STARD13: variants seen among roughly 807,000 people sequenced by gnomAD.
STARD13 encodes StAR related lipid transfer domain containing 13, also known as stAR-related lipid transfer protein 13.
A neutral mutation model predicts 106.4 loss-of-function variants in STARD13; 62 were observed. The observed-to-expected ratio is 0.58, with a 90% CI of 0.48 to 0.72. STARD13 has a LOEUF of 0.72. STARD13 is among the 30% of genes least tolerant of loss of function. STARD13 has a pLI of 0.00. For missense variants in STARD13, 1,387 were observed against 1,424.0 expected (o/e 0.97, Z 0.42); for synonymous variants, 565 against 553.0 (o/e 1.02, Z -0.31).
chr13:33,353,371 C>T (rs767578591), upstream of STARD13, among the ~76,000 whole-genome samples: 1 of 152,110 alleles, frequency 6.6e-6, no homozygotes, highest in Non-Finnish European at 1.5e-5. Context: ...TTGTCCTTTC[C>T]AGGGTGCATG....
intron 1 of STARD13, among the ~76,000 whole-genome samples, chr13:33,284,388 C>T (rs1324556496): frequency 6.6e-6 from 1 of 152,144 alleles, no homozygotes; most frequent in Non-Finnish European, 1.5e-5. Flanking sequence ...CTTTAATATT[C>T]AATATAATCT....
At position 33,262,993 on chromosome 13, in the gene STARD13, C is replaced by T. The variant is rs955430740; in HGVS notation, c.169+22477G>A. 3.3e-5 allele frequency among the ~76,000 whole-genome samples: 5 copies of T among 152,174 alleles called. No homozygotes were observed. In the East Asian group the frequency reaches 5.8e-4, roughly 18 times the overall value. On this transcript the variant is annotated intron_variant, in intron 1 of 13. Coordinates refer to ENST00000336934, the MANE Select transcript of STARD13 (RefSeq NM_178006.4). Reference sequence around the variant, plus strand: ...ACCATAGGAAATAAAGACATGAGACCGAAGATCTCAAGATGAGAGTCTACA... The same window carrying T: ...ACCATAGGAAATAAAGACATGAGACTGAAGATCTCAAGATGAGAGTCTACA...
chr13:33,270,559 T>A (rs1891107853), intron 1 of STARD13, among the ~76,000 whole-genome samples: 1 of 152,112 alleles, frequency 6.6e-6, no homozygotes, highest in South Asian at 2.1e-4. Context: ...TTTCATAGAT[T>A]CAAAAACTGA....
chr13:33,503,329 C>T, the STARD13 span, among the ~76,000 whole-genome samples: 2 of 152,116 alleles, frequency 1.3e-5, no homozygotes, highest in Admixed American at 6.5e-5. Flanking sequence ...TTTCAAAAAA[C>T]CAGCTCCTGG....
chr13:33,611,933 AT>A, the STARD13 span, among the ~76,000 whole-genome samples: 1 of 152,148 alleles, frequency 6.6e-6, no homozygotes, highest in Non-Finnish European at 1.5e-5. Flanking sequence ...GAAAGTTTAT[AT>A]TTTTTGCTGA....
chr13:33,269,049 A>G (rs1423378866), intron 1 of STARD13, among the ~76,000 whole-genome samples: 3 of 152,250 alleles, frequency 2.0e-5, no homozygotes, highest in East Asian at 3.9e-4. Context: ...TCTGCCACAT[A>G]AGCGCTTTCT....
chr13:33,254,051 C>G (rs760047799), intron 1 of STARD13, among the ~76,000 whole-genome samples: 1 of 152,220 alleles, frequency 6.6e-6, no homozygotes, highest in Non-Finnish European at 1.5e-5. Flanking sequence ...GATCAGCCAT[C>G]CCGCTTTGCC....
chr13:33,296,237 A>T (rs2138447185), intron 1 of STARD13, among the ~76,000 whole-genome samples: 1 of 152,086 alleles, frequency 6.6e-6, no homozygotes, highest in South Asian at 2.1e-4. Context: ...TCAAAAAAAA[A>T]AAAAATCACC....
At chr13:33,442,026 G>T in the STARD13 span, among the ~76,000 whole-genome samples, 1 of 152,188 alleles carries the variant, frequency 6.6e-6, no homozygotes, top group Non-Finnish European at 1.5e-5. Context: ...TTCTGACTTG[G>T]TCTGGAAGCA....
intron 3 of STARD13, among the ~76,000 whole-genome samples, chr13:33,150,553 G>A (rs1481710034): frequency 1.3e-5 from 2 of 152,208 alleles, no homozygotes; most frequent in Non-Finnish European, 2.9e-5. Context: ...CCTGGGAAAT[G>A]AGAGCTTATG....
Position 33,129,034 on chromosome 13 carries a change from G to C in STARD13, c.1643C>G (p.Pro548Arg). ...TGTTACATCTCTTTCCACATCACTGGGTGTCGTCCGACCTTCTGAGACAGA... is the reference window on the plus strand; with the variant it reads ...TGTTACATCTCTTTCCACATCACTGCGTGTCGTCCGACCTTCTGAGACAGA... ...GNSVSEGRTT[P>R]SDVERDVTSL... The change falls in exon 5 of 14, where the codon CCC becomes CGC. Residue 548 changes from proline (P) to arginine (R), a missense_variant. Physicochemically the swap from Pro to Arg is moderately radical, Grantham distance 103. Coordinates refer to ENST00000336934, the MANE Select transcript of STARD13 (RefSeq NM_178006.4). The C allele has an allele frequency of 6.2e-7, 1 of 1,614,034 alleles. No homozygotes were observed. Among genetic ancestry groups the C allele is most frequent in the South Asian group, 1.1e-5 (1 of 91,070 alleles).
At chr13:33,611,876 C>T in the STARD13 span, among the ~76,000 whole-genome samples, 21 of 152,180 alleles carry the variant, frequency 1.4e-4, no homozygotes, top group African/African-American at 3.6e-4. Context: ...AGGATGGCTT[C>T]CTCACCAGGG....
intron 1 of STARD13, among the ~76,000 whole-genome samples, chr13:33,206,425 T>G (rs1887424854): frequency 6.6e-6 from 1 of 151,994 alleles, no homozygotes; most frequent in Non-Finnish European, 1.5e-5. Context: ...CTGTTAATAC[T>G]GTGCAAACCA....
intron 4 of STARD13, among the ~76,000 whole-genome samples, chr13:33,136,371 A>G (rs1190329915): frequency 6.6e-6 from 1 of 152,212 alleles, no homozygotes; most frequent in Non-Finnish European, 1.5e-5. Flanking sequence ...AGGCAGTCAA[A>G]TGCCTAGGCA....
intron 10 of STARD13, among the ~76,000 whole-genome samples, chr13:33,111,343 A>T (rs1252694259): frequency 6.6e-6 from 1 of 152,214 alleles, no homozygotes; most frequent in Non-Finnish European, 1.5e-5. Flanking sequence ...ATTCTATCAC[A>T]AAAGTATGCC....
the STARD13 span, among the ~76,000 whole-genome samples, chr13:33,507,420 A>T: frequency 6.6e-6 from 1 of 152,186 alleles, no homozygotes; most frequent in Non-Finnish European, 1.5e-5. Flanking sequence ...AAACAATTTT[A>T]AAATTTCTGA....
chr13:33,365,891 CT>C, the STARD13 span, among the ~76,000 whole-genome samples: 1 of 150,864 alleles, frequency 6.6e-6, no homozygotes, highest in Non-Finnish European at 1.5e-5. Flanking sequence ...TTCCTAATTT[CT>C]TTTCAAGGCT....
the STARD13 span, among the ~76,000 whole-genome samples, chr13:33,370,439 C>T: frequency 0.26 from 40,015 of 151,906 alleles, 6,359 homozygotes; most frequent in African/African-American, 0.43. Context: ...AGAAGAAATA[C>T]ACGTACAACA....
intron 1 of STARD13, among the ~76,000 whole-genome samples, chr13:33,217,388 C>T (rs889070797): frequency 6.6e-6 from 1 of 152,198 alleles, no homozygotes; most frequent in Non-Finnish European, 1.5e-5. Flanking sequence ...CACTGCTTGG[C>T]CTCTTCAAAA....
Sources: allele counts gnomAD v4.1 joint callset (sites outside exome capture counted in the v4.1 genomes callset), GRCh38; gene constraint gnomAD v4.1.1; transcripts MANE v1.5; gene names NCBI Gene and HGNC (gene_info 2026-07-23, HGNC 2026-07-21).